The following MED13 variants were observed in gnomAD, a reference collection of about 807,000 sequenced individuals.
MED13 encodes the protein mediator complex subunit 13.
MED13 carries 23 observed loss-of-function variants against 225.2 expected under a neutral mutation model. The ratio of observed to expected loss-of-function variants is 0.10; its 90% CI spans 0.07 to 0.14. The LOEUF is 0.14. Among genes scored for constraint, MED13 ranks in the 10% least tolerant of loss-of-function variants. The pLI is 1.00. For missense variants in MED13, 2,197 were observed against 2,594.5 expected (o/e 0.85, Z 3.33); for synonymous variants, 942 against 889.2 (o/e 1.06, Z -1.06).
At chr17:62,019,624 G>A (rs1248925763) in intron 8 of MED13, among the ~76,000 whole-genome samples, 1 of 152,150 alleles carries the variant, frequency 6.6e-6, no homozygotes, top group African/African-American at 2.4e-5. Flanking sequence ...ATTAACTGGG[G>A]CTACATACTA....
At chr17:61,965,852 A>G (rs552854043) in intron 19 of MED13, among the ~76,000 whole-genome samples, 1 of 152,334 alleles carries the variant, frequency 6.6e-6, no homozygotes, top group South Asian at 2.1e-4. Context: ...TTAAAATATA[A>G]AATGGTATAA....
chr17:61,990,627 G>GTATATATATATATATATATATA (rs5821345), intron 11 of MED13, among the ~76,000 whole-genome samples: 13 of 139,006 alleles, frequency 9.4e-5, no homozygotes, highest in African/African-American at 1.6e-4. Flanking sequence ...GGCGCACTGT[G>GTATATATATATATATATATATA]TATATATATA....
intron 9 of MED13, chr17:62,007,430 T>C (rs901905745): frequency 6.6e-5 from 10 of 152,132 alleles, no homozygotes; most frequent in Non-Finnish European, 1.5e-4. Context: ...TTCAAGAAAG[T>C]TGAGAATCCC....
intron 2 of MED13, among the ~76,000 whole-genome samples, chr17:62,059,170 AT>A (rs1176515337): frequency 6.6e-6 from 1 of 152,222 alleles, no homozygotes; most frequent in East Asian, 1.9e-4. Context: ...AGGCAAAAAA[AT>A]AAAGGAAATC....
intron 11 of MED13, among the ~76,000 whole-genome samples, 180 bp from the exon 12 acceptor site, chr17:61,987,308 G>A (rs61552645): frequency 0.034 from 5,111 of 152,136 alleles, 133 homozygotes; most frequent in African/African-American, 0.064. Context: ...GGTGGCAGGC[G>A]CATGTAATCC....
At position 61,987,142 on chromosome 17, in the gene MED13, T is replaced by C. The variant is rs1284176296; in HGVS notation, c.2264-14A>G. The C allele has an allele frequency of 3.2e-6, 5 of 1,577,358 alleles. No individual in the cohort carries two copies. The highest frequency in any genetic ancestry group is 1.4e-5 in the African/African-American group (1 of 72,442). On this transcript the variant is annotated splice_polypyrimidine_tract_variant and intron_variant, in intron 11 of 29. Transcript: ENST00000397786. ...GGCGTGGAGCATCTACAAAAGTCAATCAGAAAAATAAAATTAAAACTGCTA... is the reference window on the plus strand; with the variant it reads ...GGCGTGGAGCATCTACAAAAGTCAACCAGAAAAATAAAATTAAAACTGCTA...
At chr17:62,060,103 C>T (rs1603410567) in intron 2 of MED13, among the ~76,000 whole-genome samples, 1 of 151,832 alleles carries the variant, frequency 6.6e-6, no homozygotes, top group Non-Finnish European at 1.5e-5. Flanking sequence ...ACCAGCCTGG[C>T]GAACACGGTG....
chr17:61,964,538 C>G (rs949202821), intron 20 of MED13, among the ~76,000 whole-genome samples: 3 of 152,132 alleles, frequency 2.0e-5, no homozygotes, highest in Non-Finnish European at 4.4e-5. Flanking sequence ...ATACTCCAGC[C>G]TGGGTGACAG....
At chr17:62,016,186 A>C (rs2080579084) in intron 8 of MED13, among the ~76,000 whole-genome samples, 1 of 149,402 alleles carries the variant, frequency 6.7e-6, no homozygotes, top group South Asian at 2.1e-4. Context: ...AACAAAAAAA[A>C]AAACCCAGCA....
chr17:62,051,544 G>A (rs76782474), intron 3 of MED13, among the ~76,000 whole-genome samples: 7 of 152,044 alleles, frequency 4.6e-5, no homozygotes, highest in South Asian at 4.2e-4. Context: ...AAAGGTTTAC[G>A]TTAATTTTCA....
At chr17:61,976,349 C>T (rs563800115) in intron 16 of MED13, among the ~76,000 whole-genome samples, 9 of 152,074 alleles carry the variant, frequency 5.9e-5, no homozygotes, top group Non-Finnish European at 1.0e-4. Flanking sequence ...TATCCAAAAG[C>T]GGCAAATCTA....
chr17:61,990,565 TGTGTATATATGTATAGG>T (rs2080287308), intron 11 of MED13, among the ~76,000 whole-genome samples: 1 of 150,650 alleles, frequency 6.6e-6, no homozygotes, highest in Non-Finnish European at 1.5e-5. Flanking sequence ...TTTTAGTATG[TGTGTATATATGTATAGG>T]GTCTCACTAT....
At position 61,956,285 on chromosome 17, in the gene MED13, T is replaced by G. The variant is rs112354429; in HGVS notation, c.5623+54A>C. The G allele has an allele frequency of 4.9e-3, 7,538 of 1,537,032 alleles. 26 individuals are homozygous for G. The highest frequency in any genetic ancestry group is 6.1e-3 in the Non-Finnish European group (6,895 of 1,126,102). On this transcript the variant is annotated intron_variant, in intron 24 of 29. Coordinates refer to ENST00000397786, the MANE Select transcript of MED13 (RefSeq NM_005121.3). ...ATATACCTAGACGTGGTCAGAACTGTGTGTGAATTTACATAAAACGGAAAT... is the reference window on the plus strand; with the variant it reads ...ATATACCTAGACGTGGTCAGAACTGGGTGTGAATTTACATAAAACGGAAAT...
intron 9 of MED13, among the ~76,000 whole-genome samples, chr17:62,002,527 A>G: frequency 6.6e-6 from 1 of 151,716 alleles, no homozygotes; most frequent in South Asian, 2.1e-4. Context: ...AAAGAGAATA[A>G]CAGTAATTCA....
chr17:62,038,570 C>T (rs2080826269), intron 3 of MED13, among the ~76,000 whole-genome samples: 1 of 152,052 alleles, frequency 6.6e-6, no homozygotes, highest in South Asian at 2.1e-4. Context: ...TTTGACCTAT[C>T]TTAAATATTA....
At position 61,962,852 on chromosome 17, in the gene MED13, C is replaced by T; in HGVS notation, c.4964G>A (p.Ser1655Asn). The stretch of plus-strand genomic sequence containing the variant: ...TGTCCACACACTAGAAGAGTTAGTG[C>T]TCTCGTCTGTATTTTCGTATGTAAA... Reference protein sequence around the residue: ...DPFTYENTDESTNSSSVWTLG... With the variant: ...DPFTYENTDENTNSSSVWTLG... Residue 1655 changes from serine to asparagine, a missense_variant, in exon 21 of 30, where the codon AGC (serine) becomes AAC (asparagine). Transcript: ENST00000397786. The T allele has an allele frequency of 6.2e-7, 1 of 1,614,090 alleles. No homozygotes were observed. Among genetic ancestry groups the T allele is most frequent in the South Asian group, 1.1e-5 (1 of 91,082 alleles).
At chr17:62,048,043 CATAT>C (rs397803988) in intron 3 of MED13, among the ~76,000 whole-genome samples, 35 of 131,162 alleles carry the variant, frequency 2.7e-4, no homozygotes, top group African/African-American at 7.5e-4. Flanking sequence ...TATACATATA[CATAT>C]ATATATATAT....
chr17:62,043,570 A>C (rs1181638728), intron 3 of MED13, among the ~76,000 whole-genome samples: 2 of 152,190 alleles, frequency 1.3e-5, no homozygotes, highest in Non-Finnish European at 2.9e-5. Flanking sequence ...TGACCACCAG[A>C]GAAGGTACCT....
intron 3 of MED13, among the ~76,000 whole-genome samples, chr17:62,039,219 T>A (rs2143706076): frequency 6.6e-6 from 1 of 152,338 alleles, no homozygotes; most frequent in East Asian, 1.9e-4. Flanking sequence ...TACAATAGTC[T>A]GATCTTATTG....
Sources: allele counts gnomAD v4.1 joint callset (sites outside exome capture counted in the v4.1 genomes callset), GRCh38; gene constraint gnomAD v4.1.1; transcripts MANE v1.5; gene names NCBI Gene and HGNC (gene_info 2026-07-23, HGNC 2026-07-21).